The following MED27 variants were observed in gnomAD, a reference collection of about 807,000 sequenced individuals.
MED27 encodes the protein mediator of RNA polymerase II transcription subunit 27.
In MED27, 30 loss-of-function variants were observed where a neutral mutation model predicts 38.2. The ratio of observed to expected loss-of-function variants is 0.79; its 90% CI spans 0.59 to 1.07. The LOEUF is 1.07. Among genes scored for constraint, MED27 ranks in the 50% least tolerant of loss-of-function variants. MED27 has a pLI of 0.00. For synonymous variants in MED27, 122 were observed against 153.5 expected (o/e 0.79, Z 1.52); for missense variants, 289 against 397.5 (o/e 0.73, Z 2.32).
intron 3 of MED27, among the ~76,000 whole-genome samples, chr9:132,005,932 C>G (rs1832349854): frequency 6.6e-6 from 1 of 152,164 alleles, no homozygotes; most frequent in East Asian, 1.9e-4. Flanking sequence ...AAGATTTCTC[C>G]ATGTTCTAGA....
intron 2 of MED27, among the ~76,000 whole-genome samples, chr9:132,035,629 CAG>C (rs2131110021): frequency 6.6e-6 from 1 of 152,274 alleles, no homozygotes; most frequent in South Asian, 2.1e-4. Context: ...AACCGTCTGA[CAG>C]AGGGGAAAAA....
intron 3 of MED27, among the ~76,000 whole-genome samples, chr9:131,950,350 G>A (rs948221126): frequency 6.6e-6 from 1 of 152,168 alleles, no homozygotes; most frequent in African/African-American, 2.4e-5. Flanking sequence ...TCAACCAGGA[G>A]CTGGCGAGGG....
intron 4 of MED27, among the ~76,000 whole-genome samples, chr9:131,905,371 G>A (rs1451564290): frequency 6.6e-6 from 1 of 152,224 alleles, no homozygotes; most frequent in South Asian, 2.1e-4. Context: ...GAACATGACA[G>A]TAATGAAGCC....
At chr9:131,977,185 T>C (rs1375088549) in intron 3 of MED27, among the ~76,000 whole-genome samples, 1 of 152,180 alleles carries the variant, frequency 6.6e-6, no homozygotes, top group Non-Finnish European at 1.5e-5. Context: ...GTGTGCCACA[T>C]TCTCTGCCTG....
intron 4 of MED27, among the ~76,000 whole-genome samples, chr9:131,923,496 T>C (rs1830432848): frequency 6.6e-6 from 1 of 152,228 alleles, no homozygotes. Flanking sequence ...TTACTAGTGT[T>C]AGTTCTCTAT....
chr9:131,964,989 G>A (rs1177785068), intron 3 of MED27, among the ~76,000 whole-genome samples: 1 of 152,056 alleles, frequency 6.6e-6, no homozygotes, highest in African/African-American at 2.4e-5. Context: ...TACATACATT[G>A]TGTATGCATT....
chr9:131,957,079 C>T (rs1240968801), intron 3 of MED27, among the ~76,000 whole-genome samples: 6 of 152,116 alleles, frequency 3.9e-5, no homozygotes, highest in Non-Finnish European at 8.8e-5. Context: ...CATTCGCTGC[C>T]GGTAGGAGTA....
intron 3 of MED27, among the ~76,000 whole-genome samples, chr9:132,009,639 C>T (rs1392717742): frequency 6.6e-6 from 1 of 152,202 alleles, no homozygotes; most frequent in African/African-American, 2.4e-5. Context: ...CTAATCCCAG[C>T]CAAACCTCAG....
chr9:132,052,833 A>C (rs888522137), intron 2 of MED27, among the ~76,000 whole-genome samples: 2 of 152,212 alleles, frequency 1.3e-5, no homozygotes, highest in Non-Finnish European at 2.9e-5. Context: ...CTGTTGTAAA[A>C]AACATAATTT....
At chr9:132,005,808 A>G (rs1832345784) in intron 3 of MED27, among the ~76,000 whole-genome samples, 1 of 152,208 alleles carries the variant, frequency 6.6e-6, no homozygotes, top group Non-Finnish European at 1.5e-5. Flanking sequence ...AGGCAAAAGC[A>G]GCTGTCTCAG....
At chr9:131,885,950 G>A (rs557416639) in intron 5 of MED27, among the ~76,000 whole-genome samples, 25 of 152,170 alleles carry the variant, frequency 1.6e-4, no homozygotes, top group Non-Finnish European at 2.9e-4. Flanking sequence ...GTTGGCCAGC[G>A]GTCAGGTAGA....
intron 2 of MED27, 37 bp downstream of exon 2, chr9:132,077,405 T>TCCATATATTAGC: frequency 6.3e-7 from 1 of 1,590,750 alleles, no homozygotes; most frequent in South Asian, 1.1e-5. Flanking sequence ...AAACTTGGTT[T>TCCATATATTAGC]TCCATATATT....
chr9:131,870,658 G>T (rs1328025906), intron 6 of MED27, among the ~76,000 whole-genome samples: 12 of 152,164 alleles, frequency 7.9e-5, no homozygotes, highest in Middle Eastern at 3.2e-3. Context: ...GACAGGGGTT[G>T]TGGGGGGATG....
chr9:132,024,029 T>G (rs182646878), intron 2 of MED27, among the ~76,000 whole-genome samples: 1 of 152,152 alleles, frequency 6.6e-6, no homozygotes, highest in Non-Finnish European at 1.5e-5. Flanking sequence ...TACTTGGCCA[T>G]GAAGCAGCAA....
chr9:131,899,937 C>T (rs367812873), intron 4 of MED27, among the ~76,000 whole-genome samples: 16 of 152,338 alleles, frequency 1.1e-4, no homozygotes, highest in Admixed American at 3.3e-4. Flanking sequence ...AGAAGCAAAA[C>T]GCCCACCGAC....
intron 2 of MED27, among the ~76,000 whole-genome samples, chr9:132,046,622 A>T (rs1205844945): frequency 6.6e-6 from 1 of 152,094 alleles, no homozygotes; most frequent in Admixed American, 6.5e-5. Context: ...CCATTCTCTC[A>T]CGTCCCAGCC....
At chr9:132,028,189 T>C (rs796669835) in intron 2 of MED27, among the ~76,000 whole-genome samples, 10 of 152,354 alleles carry the variant, frequency 6.6e-5, no homozygotes, top group African/African-American at 2.2e-4. Flanking sequence ...GATCTTTGCA[T>C]ACCTGACTTC....
intron 4 of MED27, among the ~76,000 whole-genome samples, chr9:131,930,196 G>A (rs1355637702): frequency 6.6e-6 from 1 of 152,200 alleles, no homozygotes; most frequent in Admixed American, 6.5e-5. Flanking sequence ...TTTATTCCAA[G>A]GGGTAACATC....
At chr9:132,056,349 T>C (rs1252596603) in intron 2 of MED27, among the ~76,000 whole-genome samples, 6 of 152,182 alleles carry the variant, frequency 3.9e-5, no homozygotes, top group Admixed American at 2.0e-4. Flanking sequence ...ACTTCAAATG[T>C]ATAAGGCTGA....
Sources: allele counts gnomAD v4.1 joint callset (sites outside exome capture counted in the v4.1 genomes callset), GRCh38; gene constraint gnomAD v4.1.1; transcripts MANE v1.5; gene names NCBI Gene and HGNC (gene_info 2026-07-23, HGNC 2026-07-21).